The following ZNF133 variants were observed in gnomAD, a reference collection of about 807,000 sequenced individuals.
The protein encoded by ZNF133 is zinc finger protein 133 (clone pHZ-13).
ZNF133 carries 26 observed loss-of-function variants against 54.9 expected under a neutral mutation model. The ratio of observed to expected loss-of-function variants is 0.47; its 90% confidence interval spans 0.35 to 0.66. ZNF133 has a LOEUF of 0.66. ZNF133 is among the 30% of genes least tolerant of loss of function. The pLI is 0.01. For synonymous variants in ZNF133, 298 were observed against 320.3 expected (o/e 0.93, Z 0.74); for missense variants, 653 against 820.8 (o/e 0.80, Z 2.50).
intron 3 of ZNF133, 49 bp from the exon 4 acceptor site, chr20:18,304,959 C>T (rs2044272659): frequency 1.0e-6 from 1 of 976,206 alleles, no homozygotes; most frequent in South Asian, 4.7e-5. Context: ...TCTCCAAGAC[C>T]AAGTTGCCAT....
chr20:18,295,619 CTTTAT>C (rs763295810), intron 1 of ZNF133, among the ~76,000 whole-genome samples: 8 of 151,948 alleles, frequency 5.3e-5, no homozygotes, highest in Non-Finnish European at 1.2e-4. Context: ...TTTTGGGTTA[CTTTAT>C]TTTATTAGCT....
rs1175029473 is a variant in ZNF133, at chr20:18,305,655, G to A, written c.-6-26G>A. On this transcript the variant is annotated intron_variant, in intron 4 of 6. Coordinates refer to ENST00000425686, the MANE Select transcript of ZNF133 (RefSeq NM_001352452.2). This position sits in a 1 kb window ranked among gnomAD's most constrained non-coding sequence, Gnocchi z 4.7. ...CCATGGGCAAGGCTGGCTTCTGAGTGAGCAGGGCTCAGTTTTGTGTTACAG... is the reference window on the plus strand; with the variant it reads ...CCATGGGCAAGGCTGGCTTCTGAGTAAGCAGGGCTCAGTTTTGTGTTACAG... The A allele has an allele frequency of 6.2e-7, 1 of 1,614,032 alleles. No individual in the cohort carries two copies. The highest frequency in any genetic ancestry group is 8.5e-7 in the Non-Finnish European group (1 of 1,179,998).
intron 3 of ZNF133, among the ~76,000 whole-genome samples, chr20:18,300,909 A>T (rs1365777812): frequency 6.6e-6 from 1 of 152,128 alleles, no homozygotes; most frequent in Non-Finnish European, 1.5e-5. Flanking sequence ...AAGAAAGACA[A>T]TAAGTAAAAA....
chr20:18,304,926 T>G, intron 3 of ZNF133, 82 bp from the exon 4 acceptor site: 1 of 889,404 alleles, frequency 1.1e-6, no homozygotes, highest in Non-Finnish European at 1.3e-6. Flanking sequence ...TAGCACTTTC[T>G]TCTTCCCTTG....
chr20:18,304,135 A>T (rs1305337268), intron 3 of ZNF133, among the ~76,000 whole-genome samples: 1 of 152,258 alleles, frequency 6.6e-6, no homozygotes, highest in Non-Finnish European at 1.5e-5. Context: ...ACATGTGGCC[A>T]ATAAGCACCT....
At chr20:18,308,437 C>A (rs1303982270) in intron 6 of ZNF133, among the ~76,000 whole-genome samples, 2 of 152,150 alleles carry the variant, frequency 1.3e-5, no homozygotes, top group Admixed American at 1.3e-4. Flanking sequence ...TAATTTATAT[C>A]AACTTCTCCA....
chr20:18,307,733 T>C (rs2044976488), intron 6 of ZNF133, among the ~76,000 whole-genome samples: 1 of 152,178 alleles, frequency 6.6e-6, no homozygotes, highest in Non-Finnish European at 1.5e-5. Context: ...ATGATTTCTG[T>C]TGGTCTGTCT....
chr20:18,315,404 G>A lies in ZNF133; in HGVS notation c.553G>A (p.Glu185Lys), dbSNP rs765360322. ...CTCTCGGAACGGCCTCAGAGGGGTG[G>A]AGTTAGAAGCCAGCCCAGCTCAGTC... ...VSSRNGLRGV[E>K]LEASPAQSGN... The change falls in exon 7 of 7, where the codon GAG becomes AAG. Residue 185 changes from glutamate (E) to lysine (K), a missense_variant. Transcript: ENST00000425686. 1 of 1,614,136 alleles carries A rather than the reference G, an allele frequency of 6.2e-7. No homozygotes were observed. Among genetic ancestry groups the A allele is most frequent in the Admixed American group, 1.7e-5 (1 of 60,036 alleles).
Position 18,298,302 on chromosome 20 carries a change from G to A in ZNF133, c.-340G>A. 7.4e-7 allele frequency: 1 copy of A among 1,351,106 alleles called. No individual in the cohort carries two copies. Among genetic ancestry groups the A allele is most frequent in the Non-Finnish European group, 9.5e-7 (1 of 1,053,496 alleles). The allele number at this position is 1,351,106 out of a possible 1,614,324, so 83.7% of individuals were successfully genotyped here. On this transcript the variant is annotated 5_prime_UTR_variant, in exon 3 of 7. Transcript: ENST00000425686. Reference sequence around the variant, plus strand: ...TTCTTTGTTCAGCTTCAAAAGTTCTGCTGCCTGAGAGTAACGTCACAGTAA... The same window carrying A: ...TTCTTTGTTCAGCTTCAAAAGTTCTACTGCCTGAGAGTAACGTCACAGTAA...
Position 18,310,217 on chromosome 20 carries a change from G to A in ZNF133, c.217+3824G>A. 2.0e-6 allele frequency: 3 copies of A among 1,500,670 alleles called. 1 individual carries two copies. In the Admixed American group the frequency reaches 7.0e-5, roughly 35 times the overall value. 93.0% of individuals were successfully genotyped at this position (1,500,670 alleles called of 1,614,324 possible). On this transcript the variant is annotated intron_variant, in intron 6 of 6. Transcript: ENST00000425686. ...TGTTGAGCACATTAAAAAGAATGCT[G>A]TACAATCCAAGGAGCAAGTCATTGT...
intron 1 of ZNF133, among the ~76,000 whole-genome samples, chr20:18,297,315 C>T (rs1231479328): frequency 2.0e-5 from 3 of 151,976 alleles, no homozygotes; most frequent in African/African-American, 7.2e-5. Context: ...CTTCATTTAT[C>T]ATATAATATT....
chr20:18,299,774 C>G (rs1600415853), intron 3 of ZNF133, among the ~76,000 whole-genome samples: 1 of 152,284 alleles, frequency 6.6e-6, no homozygotes, highest in South Asian at 2.1e-4. Flanking sequence ...GGCCAGACGT[C>G]AGTGGGTTGA....
chr20:18,311,987 G>T (rs2038231), intron 6 of ZNF133, among the ~76,000 whole-genome samples: 51,997 of 151,774 alleles, frequency 0.34, 10,616 homozygotes, highest in African/African-American at 0.56. Context: ...AGGACCATAA[G>T]TGTTTCAGAT....
In ZNF133 at chr20:18,316,627, C is replaced by T. The variant is rs985520597; in HGVS notation, c.1776C>T (p.His592=). Residue 592 remains histidine (H), a synonymous_variant, in exon 7 of 7, where the codon CAC becomes CAT. Coordinates refer to ENST00000425686, the MANE Select transcript of ZNF133 (RefSeq NM_001352452.2). ...ECGQGFLQKS[H]LTLHQMTHTG... is the part of the protein sequence containing the mutation. The stretch of plus-strand genomic sequence containing the variant: ...GCCAAGGCTTTCTCCAAAAGTCACA[C>T]CTCACCTTACATCAAATGACACATA... 6.2e-7 allele frequency: 1 copy of T among 1,614,052 alleles called. No homozygotes were observed. The highest frequency in any genetic ancestry group is 8.5e-7 in the Non-Finnish European group (1 of 1,180,018).
At chr20:18,307,610 T>A (rs533773034) in intron 6 of ZNF133, among the ~76,000 whole-genome samples, 1 of 152,246 alleles carries the variant, frequency 6.6e-6, no homozygotes, top group Non-Finnish European at 1.5e-5. Flanking sequence ...AATCTCTCTG[T>A]CCCCTTTTGG....
chr20:18,315,799 C>A lies in ZNF133; in HGVS notation c.948C>A (p.His316Gln). The change falls in exon 7 of 7, where the codon CAC becomes CAA. Residue 316 changes from histidine to glutamine, a missense_variant. Physicochemically the swap from His to Gln is conservative, Grantham distance 24. This residue lies in a region of ZNF133 where 292 missense variants were observed against 431.6 expected (regional missense o/e 0.68). Transcript: ENST00000425686. The stretch of plus-strand genomic sequence containing the variant: ...GCCAGAAGTCAAACCTCATCATACA[C>A]CAGAGGACACACTCAGGGGAAAAGC... ...GFSQKSNLII[H>Q]QRTHSGEKPY... 6.2e-7 allele frequency: 1 copy of A among 1,612,474 alleles called. No individual in the cohort carries two copies. Among genetic ancestry groups the A allele is most frequent in the Non-Finnish European group, 8.5e-7 (1 of 1,178,788 alleles).
chr20:18,297,189 C>T (rs1306166491), intron 1 of ZNF133, among the ~76,000 whole-genome samples: 1 of 152,052 alleles, frequency 6.6e-6, no homozygotes, highest in African/African-American at 2.4e-5. Context: ...CAGCTTCTTT[C>T]TCTCTGATCC....
Position 18,298,313 on chromosome 20 carries a change from G to A in ZNF133, c.-329G>A. On this transcript the variant is annotated 5_prime_UTR_variant, in exon 3 of 7. Coordinates refer to ENST00000425686, the MANE Select transcript of ZNF133 (RefSeq NM_001352452.2). ...GCTTCAAAAGTTCTGCTGCCTGAGA[G>A]TAACGTCACAGTAATGGAACGGGAA... 1 of 1,340,808 alleles carries A rather than the reference G, an allele frequency of 7.5e-7. No individual in the cohort carries two copies. Among genetic ancestry groups the A allele is most frequent in the Admixed American group, 3.3e-5 (1 of 29,896 alleles). The allele number at this position is 1,340,808 out of a possible 1,614,324, so 83.1% of individuals were successfully genotyped here.
At chr20:18,290,282 A>G (rs1406423444) in intron 1 of ZNF133, among the ~76,000 whole-genome samples, 3 of 152,222 alleles carry the variant, frequency 2.0e-5, no homozygotes, top group Non-Finnish European at 4.4e-5. Flanking sequence ...TTCTTCCCCT[A>G]CATTCCTTCT....
Sources: gnomAD v4.1 joint callset for allele counts (sites outside exome capture counted in the v4.1 genomes callset) on GRCh38, gnomAD v4.1.1 for gene constraint, gnomAD v4.1.1 regional missense constraint, Gnocchi (gnomAD v3.1) non-coding constraint, MANE v1.5 for transcripts, NCBI Gene and HGNC (gene_info 2026-07-23, HGNC 2026-07-21) for gene names.